The following UTS2 variants were observed in gnomAD, a reference collection of about 807,000 sequenced individuals.
UTS2 encodes the protein urotensin-2.
Under a neutral mutation model 12.6 loss-of-function variants are expected in UTS2, and 10 were observed. That is an observed-to-expected ratio of 0.80 (90% CI 0.49 to 1.35). The LOEUF (loss-of-function observed/expected upper bound fraction) is 1.35. Ranked by LOEUF, UTS2 falls within the 40% of genes most tolerant of loss-of-function variation. The pLI, the probability that UTS2 is intolerant of heterozygous loss-of-function variation, is 0.00. For synonymous variants in UTS2, 52 were observed against 50.0 expected (o/e 1.04, Z -0.17); for missense variants, 142 against 143.2 (o/e 0.99, Z 0.04).
the UTS2 span, among the ~76,000 whole-genome samples, chr1:7,884,302 ATT>A: frequency 7.9e-5 from 11 of 140,122 alleles, no homozygotes; most frequent in Non-Finnish European, 6.1e-5. Context: ...ATAACATCTG[ATT>A]TTTTTTTTTT....
At chr1:7,850,526 T>A (rs1476420508) in intron 2 of UTS2, among the ~76,000 whole-genome samples, 15 of 152,086 alleles carry the variant, frequency 9.9e-5, no homozygotes, top group Non-Finnish European at 2.9e-5. Context: ...GATTTTAAAT[T>A]GCACTCACTG....
the UTS2 span, among the ~76,000 whole-genome samples, chr1:7,864,367 C>T: frequency 6.6e-6 from 1 of 152,196 alleles, no homozygotes; most frequent in East Asian, 1.9e-4. Context: ...GACCTTCCCC[C>T]TCTCCCTCCT....
At chr1:7,878,516 C>T in the UTS2 span, among the ~76,000 whole-genome samples, 1 of 152,080 alleles carries the variant, frequency 6.6e-6, no homozygotes, top group East Asian at 1.9e-4. Context: ...TTTAAAATGA[C>T]GAAAATAAGT....
the UTS2 span, among the ~76,000 whole-genome samples, chr1:7,895,184 C>G: frequency 6.6e-6 from 1 of 152,062 alleles, no homozygotes; most frequent in Admixed American, 6.6e-5. Context: ...GCTTGGCCAA[C>G]ATGGGGAAAC....
intron 1 of UTS2, 61 bp downstream of exon 1, chr1:7,852,840 T>C: frequency 6.6e-7 from 1 of 1,526,682 alleles, no homozygotes; most frequent in African/African-American, 1.4e-5. Context: ...TCTCTAACAT[T>C]GAATTTAAGA....
chr1:7,851,564 G>A (rs143035178), intron 1 of UTS2, among the ~76,000 whole-genome samples: 3 of 152,278 alleles, frequency 2.0e-5, no homozygotes, highest in Non-Finnish European at 4.4e-5. Flanking sequence ...GGTAAGTGCA[G>A]ACCTGCTGCT....
the UTS2 span, among the ~76,000 whole-genome samples, chr1:7,904,314 A>ATTT: frequency 6.7e-6 from 1 of 150,140 alleles, no homozygotes; most frequent in African/African-American, 2.5e-5. Context: ...AAAAATAAAA[A>ATTT]AAAAAAAAAA....
chr1:7,864,583 C>T, the UTS2 span, among the ~76,000 whole-genome samples: 2 of 151,674 alleles, frequency 1.3e-5, no homozygotes, highest in Non-Finnish European at 2.9e-5. Flanking sequence ...AAACCATTCT[C>T]TGCTCTGCGT....
At chr1:7,891,977 A>C in the UTS2 span, among the ~76,000 whole-genome samples, 1 of 152,090 alleles carries the variant, frequency 6.6e-6, no homozygotes, top group East Asian at 1.9e-4. Context: ...ACAGTTTCAC[A>C]CGTGTATACA....
the UTS2 span, among the ~76,000 whole-genome samples, chr1:7,871,438 C>T: frequency 8.5e-5 from 13 of 152,340 alleles, no homozygotes; most frequent in Non-Finnish European, 1.6e-4. Flanking sequence ...CTTCACTCCA[C>T]AGCCCTGCAC....
chr1:7,850,927 A>G lies in UTS2; in HGVS notation c.104-5T>C, dbSNP rs2097413449. Reference sequence around the variant, plus strand: ...AGCGCGCGTCTTCATGAGGTGCTACAGAGTAAAAACAGATACTTAGAATTG... The same window carrying G: ...AGCGCGCGTCTTCATGAGGTGCTACGGAGTAAAAACAGATACTTAGAATTG... On this transcript the variant is annotated splice_region_variant and splice_polypyrimidine_tract_variant and intron_variant, in intron 1 of 3. Transcript: ENST00000361696. 6.2e-7 allele frequency: 1 copy of G among 1,613,944 alleles called. No individual in the cohort carries two copies. The highest frequency in any genetic ancestry group is 1.3e-5 in the African/African-American group (1 of 74,946).
At chr1:7,902,568 GCCT>G in the UTS2 span, among the ~76,000 whole-genome samples, 2 of 152,108 alleles carry the variant, frequency 1.3e-5, no homozygotes, top group Non-Finnish European at 2.9e-5. Context: ...CTACTAAGGA[GCCT>G]CCTAATTCTT....
upstream of UTS2, among the ~76,000 whole-genome samples, chr1:7,857,107 T>TGAAGGAAGGAAGGAAGGAAG (rs1157152578): frequency 0.15 from 18,772 of 125,110 alleles, 2,203 homozygotes; most frequent in East Asian, 0.22. Context: ...AGAAAAGGAA[T>TGAAGGAAGGAAGGAAGGAAG]GAAGGAAGGA....
chr1:7,911,558 C>T, the UTS2 span, among the ~76,000 whole-genome samples: 1 of 152,094 alleles, frequency 6.6e-6, no homozygotes, highest in South Asian at 2.1e-4. Context: ...ATTACTGGGT[C>T]CAAAGCCCGT....
rs140152981 is a variant in UTS2, at chr1:7,850,903, G to C, written c.123C>G (p.Arg41=). The C allele has an allele frequency of 6.2e-7, 1 of 1,614,028 alleles. No individual in the cohort carries two copies. Among genetic ancestry groups the C allele is most frequent in the African/African-American group, 1.3e-5 (1 of 74,926 alleles). Residue 41 remains arginine (R), a synonymous_variant, in exon 2 of 4, where the codon CGC becomes CGG. Transcript: ENST00000361696. ...CTCTTTCTAGCTCCTCCGGAGTTAA[G>C]CGCGCGTCTTCATGAGGTGCTACAG... ...FQLSAPHEDA[R]LTPEELERAS...
chr1:7,906,449 G>GAGAAAGGAAGAA, the UTS2 span, among the ~76,000 whole-genome samples: 32 of 73,226 alleles, frequency 4.4e-4, no homozygotes, highest in African/African-American at 1.6e-3. Flanking sequence ...GAAAGAAAAA[G>GAGAAAGGAAGAA]AGAAAGAAAG....
At chr1:7,885,921 G>A in the UTS2 span, among the ~76,000 whole-genome samples, 1 of 50,690 alleles carries the variant, frequency 2.0e-5, no homozygotes, top group African/African-American at 6.5e-5. Flanking sequence ...GGGGGGGCGG[G>A]TGGAGGTGGA....
chr1:7,901,251 G>C, the UTS2 span, among the ~76,000 whole-genome samples: 1 of 152,168 alleles, frequency 6.6e-6, no homozygotes. Flanking sequence ...CAGTAATCCA[G>C]GCCAGAAATA....
the UTS2 span, among the ~76,000 whole-genome samples, chr1:7,880,249 C>A: frequency 6.6e-6 from 1 of 151,992 alleles, no homozygotes; most frequent in Admixed American, 6.6e-5. Flanking sequence ...CAGAGCAAGA[C>A]CCTGTCTCAA....
Sources: gnomAD v4.1 joint callset for allele counts (sites outside exome capture counted in the v4.1 genomes callset) on GRCh38, gnomAD v4.1.1 for gene constraint, MANE v1.5 for transcripts, NCBI Gene and HGNC (gene_info 2026-07-23, HGNC 2026-07-21) for gene names.